IQCH: variants seen among roughly 807,000 people sequenced by gnomAD.
The protein encoded by IQCH is IQ motif containing H, also known as IQ domain-containing protein H.
IQCH carries 98 observed loss-of-function variants against 117.0 expected under a neutral mutation model. That is an observed-to-expected ratio of 0.84 (90% CI 0.71 to 0.99). The LOEUF (loss-of-function observed/expected upper bound fraction) is 0.99, where lower values mean the gene tolerates loss of function less well. Ranked by LOEUF, IQCH falls within the 50% of genes least tolerant of loss-of-function variation. The pLI, the probability that IQCH is intolerant of heterozygous loss-of-function variation, is 0.00. For missense variants in IQCH, 1,102 were observed against 1,243.8 expected (o/e 0.89, Z 1.72); for synonymous variants, 412 against 448.2 (o/e 0.92, Z 1.02).
At position 67,454,891 on chromosome 15, in the gene IQCH, T is replaced by C. The variant is rs1238164019; in HGVS notation, c.2506-10236T>C. 6.6e-6 allele frequency among the ~76,000 whole-genome samples: 1 copy of C among 152,234 alleles called. No individual in the cohort carries two copies. The highest frequency in any genetic ancestry group is 2.4e-5 in the African/African-American group (1 of 41,456). ...TCATATAAAAGTGTTCGCATAAACA[T>C]GTGTTTTCATTTGTCTTGGTTATAT... On this transcript the variant is annotated intron_variant, in intron 16 of 20. Coordinates refer to ENST00000335894, the MANE Select transcript of IQCH (RefSeq NM_001031715.3). This position sits in a 1 kb window ranked among gnomAD's most constrained non-coding sequence, Gnocchi z 5.2.
chr15:67,397,190 T>C (rs1308375614), intron 13 of IQCH, among the ~76,000 whole-genome samples: 1 of 152,246 alleles, frequency 6.6e-6, no homozygotes, highest in Non-Finnish European at 1.5e-5. Flanking sequence ...CTTTAACATG[T>C]ATGTGCAATG....
intron 4 of IQCH, among the ~76,000 whole-genome samples, chr15:67,289,194 CAAAG>C (rs1966671795): frequency 6.6e-6 from 1 of 151,962 alleles, no homozygotes; most frequent in Admixed American, 6.6e-5. Flanking sequence ...ACATTAGTGA[CAAAG>C]AGAACTATTT....
At chr15:67,300,246 T>A (rs774605393) in intron 4 of IQCH, among the ~76,000 whole-genome samples, 25 of 152,138 alleles carry the variant, frequency 1.6e-4, no homozygotes, top group South Asian at 4.1e-4. Flanking sequence ...GTTTGAAGTG[T>A]TTCAATCCAC....
In IQCH at chr15:67,279,510, AAGGTAGGTAT is replaced by A. The variant is rs562515115; in HGVS notation, c.387+1_387+10del. 179 of 1,568,592 alleles carry A rather than the reference AAGGTAGGTAT, an allele frequency of 1.1e-4. 2 individuals carry two copies. In the East Asian group the frequency reaches 3.4e-3, roughly 30 times the overall value. ...ATCTCTGCCTGTCTTTCCAAGAGCA[AAGGTAGGTAT>A]AGAGAAATTCATAGAGACAGAAAGT... On this transcript the variant is annotated splice_donor_variant and splice_donor_5th_base_variant and coding_sequence_variant and intron_variant, in exon 4 of 21. Coordinates refer to ENST00000335894, the MANE Select transcript of IQCH (RefSeq NM_001031715.3). LOFTEE classifies it high-confidence loss of function.
At chr15:67,323,285 C>G (rs1404958934) in intron 4 of IQCH, among the ~76,000 whole-genome samples, 3 of 126,686 alleles carry the variant, frequency 2.4e-5, no homozygotes, top group African/African-American at 8.8e-5. Flanking sequence ...CTCTGTCGTC[C>G]AGGCTGGAGT....
rs567715173 is a variant in IQCH at position 67,436,928 on chromosome 15, G to C, written c.2505+15351G>C. Among the ~76,000 whole-genome samples, 3 of 151,890 alleles carry C rather than the reference G, an allele frequency of 2.0e-5. No homozygotes were observed. The highest frequency in any genetic ancestry group is 2.9e-5 in the Non-Finnish European group (2 of 67,982). On this transcript the variant is annotated intron_variant, in intron 16 of 20. Transcript: ENST00000335894. This position sits in a 1 kb window ranked among gnomAD's most constrained non-coding sequence, Gnocchi z 5.1. ...CCAAGGGGAGTCTGAGCTCAGACAC[G>C]CGTAGCCCCACCCCCACCTGATGGT... is the stretch of plus-strand genomic sequence containing the variant.
intron 4 of IQCH, among the ~76,000 whole-genome samples, chr15:67,311,202 A>G (rs1967577530): frequency 6.6e-6 from 1 of 152,120 alleles, no homozygotes; most frequent in Non-Finnish European, 1.5e-5. Flanking sequence ...TTACCAACTA[A>G]TCCTTAATTA....
chr15:67,437,730 A>G (rs2082172882), intron 16 of IQCH, among the ~76,000 whole-genome samples: 3 of 152,212 alleles, frequency 2.0e-5, no homozygotes. Flanking sequence ...AACATTGGAC[A>G]CACTTTTAGA....
intron 6 of IQCH, among the ~76,000 whole-genome samples, chr15:67,352,989 T>C (rs11856840): frequency 0.46 from 69,468 of 151,632 alleles, 16,334 homozygotes; most frequent in Non-Finnish European, 0.52. Context: ...TTACTAAAAA[T>C]ACAAAAATTA....
intron 3 of IQCH, among the ~76,000 whole-genome samples, chr15:67,278,997 T>C (rs1966240992): frequency 6.6e-6 from 1 of 152,224 alleles, no homozygotes; most frequent in Admixed American, 6.5e-5. Flanking sequence ...ATATAAGTAT[T>C]AATCACTTAG....
chr15:67,261,093 C>CAA (rs5813432), intron 1 of IQCH, among the ~76,000 whole-genome samples, 179 bp from the exon 2 acceptor site: 24,931 of 126,084 alleles, frequency 0.2, 2,930 homozygotes, highest in East Asian at 0.48. Context: ...AATTCCATCT[C>CAA]AAAAAAAAAA....
chr15:67,289,709 G>T (rs1966688265), intron 4 of IQCH, among the ~76,000 whole-genome samples: 1 of 152,086 alleles, frequency 6.6e-6, no homozygotes, highest in African/African-American at 2.4e-5. Context: ...AAATATCTGA[G>T]AATAAGCTAT....
chr15:67,285,555 G>A (rs1966529071), intron 4 of IQCH, among the ~76,000 whole-genome samples: 1 of 151,978 alleles, frequency 6.6e-6, no homozygotes, highest in Non-Finnish European at 1.5e-5. Context: ...GTATTGCCTG[G>A]GTATTCTTCT....
intron 16 of IQCH, among the ~76,000 whole-genome samples, chr15:67,449,342 G>A (rs2082464359): frequency 6.6e-6 from 1 of 152,096 alleles, no homozygotes; most frequent in Non-Finnish European, 1.5e-5. Context: ...TTCTTCTAGG[G>A]TTTTTATGGT....
In IQCH at chr15:67,475,748, A is replaced by G. The variant is rs771040264; in HGVS notation, c.2729A>G (p.Asn910Ser). Residue 910 changes from asparagine to serine, a missense_variant, in exon 18 of 21, where the codon AAT becomes AGT. Coordinates refer to ENST00000335894, the MANE Select transcript of IQCH (RefSeq NM_001031715.3). This position sits in a 1 kb window ranked among gnomAD's most constrained non-coding sequence, Gnocchi z 5.7. ...AVMTTQLRHS[N>S]LSLVFHYVFL... is the part of the protein sequence containing the mutation. Reference sequence around the variant, plus strand: ...ATGACCACCCAGCTAAGACACAGCAATCTCTCACTGGTTTTCCACTATGTT... The same window carrying G: ...ATGACCACCCAGCTAAGACACAGCAGTCTCTCACTGGTTTTCCACTATGTT... 8 of 1,614,020 alleles carry G rather than the reference A, an allele frequency of 5.0e-6. No homozygotes were observed. Among genetic ancestry groups the G allele is most frequent in the East Asian group, 4.5e-5 (2 of 44,902 alleles).
In IQCH at chr15:67,456,402, G is replaced by A. The variant is rs1472518471; in HGVS notation, c.2506-8725G>A. Among the ~76,000 whole-genome samples, 2 of 152,106 alleles carry A rather than the reference G, an allele frequency of 1.3e-5. No individual in the cohort carries two copies. Among genetic ancestry groups the A allele is most frequent in the Non-Finnish European group, 2.9e-5 (2 of 68,020 alleles). ...TTTGATTCTAGTTCCTCCCCTAAAT[G>A]TGGGACCTGAGAAGTCATTTCACCC... On this transcript the variant is annotated intron_variant, in intron 16 of 20. Transcript: ENST00000335894. The surrounding 1 kb of genome is among the most constrained non-coding windows in gnomAD (Gnocchi z 5.1).
chr15:67,255,181 A>G (rs934822228), intron 1 of IQCH: 2 of 581,976 alleles, frequency 3.4e-6, no homozygotes, highest in Non-Finnish European at 6.2e-6. Context: ...CCTCTGGGAA[A>G]ACTCTAAAAC....
intron 6 of IQCH, among the ~76,000 whole-genome samples, chr15:67,352,892 C>G (rs1408263378): frequency 6.6e-6 from 1 of 152,050 alleles, no homozygotes; most frequent in Non-Finnish European, 1.5e-5. Context: ...AAAACAGGAA[C>G]ATTCCAGTAC....
chr15:67,285,931 C>G (rs1966545342), intron 4 of IQCH, among the ~76,000 whole-genome samples: 1 of 152,040 alleles, frequency 6.6e-6, no homozygotes, highest in Non-Finnish European at 1.5e-5. Context: ...TCTTTTGTGG[C>G]TCCATATAAA....
Sources: allele counts gnomAD v4.1 joint callset (sites outside exome capture counted in the v4.1 genomes callset), GRCh38; gene constraint gnomAD v4.1.1; non-coding constraint Gnocchi (gnomAD v3.1); transcripts MANE v1.5; gene names NCBI Gene and HGNC (gene_info 2026-07-23, HGNC 2026-07-21).